Variants in ABLIM1 observed in about 807,000 individuals in gnomAD.
ABLIM1 encodes the protein actin-binding LIM protein 1.
A neutral mutation model predicts 107.0 loss-of-function variants in ABLIM1; 40 were observed. That is an observed-to-expected ratio of 0.37 (90% confidence interval 0.29 to 0.49). The LOEUF is 0.49. ABLIM1 is among the 20% of genes least tolerant of loss of function. ABLIM1 has a pLI of 0.97. For missense variants in ABLIM1, 857 were observed against 1,008.5 expected, an observed-to-expected ratio of 0.85 and a Z score of 2.04; for synonymous variants, 357 against 357.3, an observed-to-expected ratio of 1.00 and a Z score of 0.01.
At chr10:114,634,129 C>CCTTTT (rs1555212577) in intron 1 of ABLIM1, among the ~76,000 whole-genome samples, 1 of 68,298 alleles carries the variant, frequency 1.5e-5, no homozygotes, top group African/African-American at 6.4e-5. Context: ...CTCAATTTTT[C>CCTTTT]TTTTTTTTTT....
chr10:114,544,827 C>T (rs2067116251), intron 6 of ABLIM1, among the ~76,000 whole-genome samples, 178 bp downstream of exon 6: 2 of 151,966 alleles, frequency 1.3e-5, no homozygotes, highest in South Asian at 4.2e-4. Context: ...CTAATTTCCA[C>T]GTGAGCCTTT....
At chr10:114,679,635 CA>C (rs757677426) in intron 1 of ABLIM1, among the ~76,000 whole-genome samples, 5,721 of 86,274 alleles carry the variant, frequency 0.066, 122 homozygotes, top group African/African-American at 0.1. Flanking sequence ...AACTCCGTCT[CA>C]AAAAAAAAAA....
intron 6 of ABLIM1, among the ~76,000 whole-genome samples, chr10:114,496,498 G>C (rs918902923): frequency 6.6e-6 from 1 of 152,046 alleles, no homozygotes; most frequent in Admixed American, 6.5e-5. Flanking sequence ...GGAGCCTGTT[G>C]GGGGAGGGTG....
intron 9 of ABLIM1, among the ~76,000 whole-genome samples, chr10:114,473,636 T>A (rs567058866): frequency 6.6e-6 from 1 of 152,298 alleles, no homozygotes; most frequent in East Asian, 1.9e-4. Flanking sequence ...AAGAATTTTT[T>A]AAGTCCCGCA....
chr10:114,605,141 A>G (rs1339556688), intron 1 of ABLIM1, among the ~76,000 whole-genome samples: 7 of 152,188 alleles, frequency 4.6e-5, no homozygotes, highest in Non-Finnish European at 7.3e-5. Flanking sequence ...TGTTCTTACT[A>G]GAGAAGGGCA....
chr10:114,486,860 G>A (rs1227972144), intron 8 of ABLIM1, among the ~76,000 whole-genome samples: 1 of 152,004 alleles, frequency 6.6e-6, no homozygotes, highest in African/African-American at 2.4e-5. Context: ...GAATTGAGGA[G>A]GAAAAGAAAA....
the ABLIM1 span, among the ~76,000 whole-genome samples, chr10:114,783,337 A>T: frequency 3.1e-4 from 47 of 152,196 alleles, no homozygotes; most frequent in African/African-American, 1.1e-3. Flanking sequence ...AGAAAAAGAA[A>T]GGGAAAGGTT....
At chr10:114,788,178 G>A in the ABLIM1 span, among the ~76,000 whole-genome samples, 2 of 151,114 alleles carry the variant, frequency 1.3e-5, no homozygotes, top group East Asian at 1.9e-4. Context: ...AAGTACCCAG[G>A]GACACAAACA....
intron 1 of ABLIM1, among the ~76,000 whole-genome samples, chr10:114,635,643 GC>G (rs1363459384): frequency 1.3e-5 from 2 of 152,220 alleles, no homozygotes; most frequent in Non-Finnish European, 2.9e-5. Context: ...TCCTGCTTCA[GC>G]CTCCCGAGTA....
chr10:114,633,209 T>G (rs554608711), intron 1 of ABLIM1, among the ~76,000 whole-genome samples: 1 of 152,288 alleles, frequency 6.6e-6, no homozygotes, highest in African/African-American at 2.4e-5. Context: ...ATGTTGAGTC[T>G]AAGAGAGCCA....
At chr10:114,535,477 A>G (rs2065902639) in intron 6 of ABLIM1, among the ~76,000 whole-genome samples, 1 of 152,062 alleles carries the variant, frequency 6.6e-6, no homozygotes, top group Non-Finnish European at 1.5e-5. Flanking sequence ...TGCCCGGCTA[A>G]TTTTTGTACT....
chr10:114,618,913 G>T (rs1459184301), intron 1 of ABLIM1, among the ~76,000 whole-genome samples: 1 of 152,090 alleles, frequency 6.6e-6, no homozygotes, highest in Non-Finnish European at 1.5e-5. Flanking sequence ...TTTCCCTGGG[G>T]GTGTCTCCAT....
chr10:114,470,689 T>C (rs577818105), intron 10 of ABLIM1, among the ~76,000 whole-genome samples: 1 of 152,316 alleles, frequency 6.6e-6, no homozygotes, highest in East Asian at 1.9e-4. Flanking sequence ...GCACTTATTA[T>C]GTGCCCAGTA....
intron 1 of ABLIM1, among the ~76,000 whole-genome samples, chr10:114,630,667 T>G (rs2078114543): frequency 6.6e-6 from 1 of 152,214 alleles, no homozygotes; most frequent in Non-Finnish European, 1.5e-5. Context: ...TTCAGCATTT[T>G]CATCTTAAAT....
chr10:114,542,984 A>G (rs1160556752), intron 6 of ABLIM1, among the ~76,000 whole-genome samples: 1 of 152,128 alleles, frequency 6.6e-6, no homozygotes, highest in Non-Finnish European at 1.5e-5. Flanking sequence ...CTTTATTGGA[A>G]AGGCTATGAG....
At chr10:114,738,345 C>T (rs1376535655) in intron 1 of ABLIM1, among the ~76,000 whole-genome samples, 2 of 152,146 alleles carry the variant, frequency 1.3e-5, no homozygotes, top group Non-Finnish European at 2.9e-5. Flanking sequence ...CCACTGTGCC[C>T]AGCAGATATG....
chr10:114,632,210 T>G (rs1430760932), intron 1 of ABLIM1: 9 of 985,230 alleles, frequency 9.1e-6, no homozygotes, highest in Non-Finnish European at 1.1e-5. Context: ...CTACAGCTGC[T>G]GCTGTAACAA....
chr10:114,712,636 T>C (rs1280955270), intron 1 of ABLIM1, among the ~76,000 whole-genome samples: 1 of 152,182 alleles, frequency 6.6e-6, no homozygotes, highest in Non-Finnish European at 1.5e-5. Flanking sequence ...GTCACCATAT[T>C]GTGAGACATG....
upstream of ABLIM1, among the ~76,000 whole-genome samples, chr10:114,662,087 A>G (rs1179936132): frequency 2.0e-5 from 3 of 152,108 alleles, no homozygotes; most frequent in African/African-American, 4.8e-5. Flanking sequence ...ATCTGCTAGG[A>G]TCTACTTGCT....
Sources: allele counts gnomAD v4.1 joint callset (sites outside exome capture counted in the v4.1 genomes callset), GRCh38; gene constraint gnomAD v4.1.1; transcripts MANE v1.5; gene names NCBI Gene and HGNC (gene_info 2026-07-23, HGNC 2026-07-21).